SERINC3: variants seen among roughly 807,000 people sequenced by gnomAD.
SERINC3 encodes the protein serine incorporator 3.
Under a neutral mutation model 52.1 loss-of-function variants are expected in SERINC3, and 22 were observed. That is an observed-to-expected ratio of 0.42 (90% CI 0.30 to 0.60). The LOEUF (loss-of-function observed/expected upper bound fraction) is 0.60. Ranked by LOEUF, SERINC3 falls within the 20% of genes least tolerant of loss-of-function variation. SERINC3 has a pLI of 0.16. For missense variants in SERINC3, 564 were observed against 584.6 expected, an observed-to-expected ratio of 0.96 and a Z score of 0.36; for synonymous variants, 226 against 212.7, an observed-to-expected ratio of 1.06 and a Z score of -0.54.
intron 5 of SERINC3, among the ~76,000 whole-genome samples, chr20:44,509,589 CATG>C (rs1243324749): frequency 6.6e-6 from 1 of 152,054 alleles, no homozygotes; most frequent in African/African-American, 2.4e-5. Context: ...AGTACAGTGG[CATG>C]ATGATAGCTT....
At chr20:44,506,677 T>C (rs567508691) in intron 6 of SERINC3, 150 bp downstream of exon 6, 5 of 390,524 alleles carry the variant, frequency 1.3e-5, no homozygotes, top group East Asian at 1.2e-4. Context: ...AATTATGATA[T>C]AGGCATGAAA....
intron 5 of SERINC3, 93 bp from the exon 6 acceptor site, chr20:44,507,089 CATT>C (rs1388705361): frequency 1.1e-6 from 1 of 908,820 alleles, no homozygotes; most frequent in African/African-American, 1.7e-5. Context: ...AATGAGGAGA[CATT>C]ATGTCACTTT....
chr20:44,503,089 C>T (rs2064290003), intron 8 of SERINC3, among the ~76,000 whole-genome samples: 1 of 151,956 alleles, frequency 6.6e-6, no homozygotes, highest in African/African-American at 2.4e-5. Flanking sequence ...AATTAAAGAC[C>T]TAAATAAATG....
rs1398295303 is a variant in SERINC3 at position 44,521,965 on chromosome 20, A to C, written c.-14T>G. 17 of 1,608,806 alleles carry C rather than the reference A, an allele frequency of 1.1e-5. No homozygotes were observed. On this transcript the variant is annotated 5_prime_UTR_variant, in exon 1 of 10. Coordinates refer to ENST00000342374, the MANE Select transcript of SERINC3 (RefSeq NM_006811.4). ...CACAGCCCCCATGGTGACGCCAGTGATGGAGGTGGCCGGTCCTGAGGCTGC... is the reference window on the plus strand; with the variant it reads ...CACAGCCCCCATGGTGACGCCAGTGCTGGAGGTGGCCGGTCCTGAGGCTGC...
intron 7 of SERINC3, among the ~76,000 whole-genome samples, chr20:44,504,379 T>C (rs1205762191): frequency 1.3e-5 from 2 of 152,196 alleles, no homozygotes; most frequent in Non-Finnish European, 2.9e-5. Flanking sequence ...TCTGCATTGT[T>C]TTCCTTTAAA....
At position 44,510,024 on chromosome 20, in the gene SERINC3, C is replaced by A. The variant is rs760953252; in HGVS notation, c.480G>T (p.Trp160Cys). ...YIPGGYFSSV[W>C]FVVGMIGAAL... ...CGGCCCCTATCATGCCAACAACAAA[C>A]CAGACTACAAGAACCAAGAGAACAA... The change falls in exon 5 of 10, where the codon TGG (tryptophan) becomes TGT (cysteine). Residue 160 changes from tryptophan (W) to cysteine (C), a missense_variant. Coordinates refer to ENST00000342374, the MANE Select transcript of SERINC3 (RefSeq NM_006811.4). 4.3e-6 allele frequency: 7 copies of A among 1,613,980 alleles called. 1 individual carries two copies. The Admixed American group carries it at 1.0e-4, about 23-fold the overall frequency.
intron 1 of SERINC3, among the ~76,000 whole-genome samples, chr20:44,516,313 G>A (rs2123068697): frequency 6.6e-6 from 1 of 152,178 alleles, no homozygotes; most frequent in Admixed American, 6.5e-5. Context: ...AAAAAAAAGA[G>A]TAACCTAGAT....
chr20:44,512,728 T>C (rs1297023290), intron 3 of SERINC3, 73 bp downstream of exon 3: 1 of 1,160,496 alleles, frequency 8.6e-7, no homozygotes. Flanking sequence ...TTCATCAGAA[T>C]GGCTATATTA....
rs771572222 is a variant in SERINC3, at chr20:44,521,897, G to A, written c.39+16C>T. On this transcript the variant is annotated intron_variant, in intron 1 of 9. Transcript: ENST00000342374. Reference sequence around the variant, plus strand: ...CAAACCGCAGGTCCGGCGAGGACTCGGGACCCCGAACTCACCCAGCTGGCG... The same window carrying A: ...CAAACCGCAGGTCCGGCGAGGACTCAGGACCCCGAACTCACCCAGCTGGCG... 5 of 1,605,530 alleles carry A rather than the reference G, an allele frequency of 3.1e-6. No individual in the cohort carries two copies. The South Asian group carries it at 4.5e-5, about 14-fold the overall frequency.
chr20:44,519,736 T>C (rs1298832803), intron 1 of SERINC3, among the ~76,000 whole-genome samples: 2 of 151,458 alleles, frequency 1.3e-5, no homozygotes, highest in African/African-American at 4.9e-5. Context: ...CAGTGAGCTA[T>C]GACTGAGCCA....
intron 3 of SERINC3, among the ~76,000 whole-genome samples, chr20:44,511,858 C>T (rs1337088246): frequency 6.6e-6 from 1 of 152,216 alleles, no homozygotes; most frequent in African/African-American, 2.4e-5. Flanking sequence ...AAGAACCAGG[C>T]TTTGGAGCTG....
intron 8 of SERINC3, among the ~76,000 whole-genome samples, chr20:44,502,521 T>C (rs2064286138): frequency 6.7e-6 from 1 of 149,852 alleles, no homozygotes; most frequent in Non-Finnish European, 1.5e-5. Flanking sequence ...AGCTTGAGGC[T>C]GTAGTGAGCT....
chr20:44,516,645 G>T (rs945081478), intron 1 of SERINC3, among the ~76,000 whole-genome samples: 14 of 152,084 alleles, frequency 9.2e-5, no homozygotes, highest in Non-Finnish European at 1.8e-4. Flanking sequence ...GCCCGCCTCC[G>T]CCTCCCAAAG....
At chr20:44,512,104 C>T (rs758793718) in intron 3 of SERINC3, among the ~76,000 whole-genome samples, 2 of 151,988 alleles carry the variant, frequency 1.3e-5, no homozygotes, top group Non-Finnish European at 2.9e-5. Context: ...CCTGAGGTCA[C>T]GAGTTCTAGA....
In SERINC3 at chr20:44,501,433, C is replaced by T. The variant is rs1047914697; in HGVS notation, c.1056-133G>A. 1.0e-5 allele frequency: 7 copies of T among 694,936 alleles called. No homozygotes were observed. The Admixed American group carries it at 1.7e-4, about 17-fold the overall frequency. 43.0% of individuals were successfully genotyped at this position (694,936 alleles called of 1,614,324 possible). ...GACTGAAAGCTTTCTGAAGATCCTG[C>T]TTAAAGTTCTGAACTGCTGCCTGTC... On this transcript the variant is annotated intron_variant, in intron 8 of 9. Coordinates refer to ENST00000342374, the MANE Select transcript of SERINC3 (RefSeq NM_006811.4).
chr20:44,509,819 T>C (rs2064336050), intron 5 of SERINC3, 72 bp downstream of exon 5: 6 of 1,514,002 alleles, frequency 4.0e-6, no homozygotes, highest in Non-Finnish European at 5.5e-6. Flanking sequence ...GCTGGGACTA[T>C]AATGATGATT....
At chr20:44,500,976 G>T in intron 9 of SERINC3, 97 bp downstream of exon 9, 2 of 828,876 alleles carry the variant, frequency 2.4e-6, no homozygotes, top group Non-Finnish European at 4.0e-6. Flanking sequence ...CATTATATGG[G>T]TAAGAGCAAG....
intron 8 of SERINC3, among the ~76,000 whole-genome samples, chr20:44,502,417 C>G (rs1391237467): frequency 1.3e-5 from 2 of 150,978 alleles, no homozygotes; most frequent in African/African-American, 4.9e-5. Flanking sequence ...CAAGACTGTT[C>G]CTAAAAAGAT....
chr20:44,519,482 A>T (rs764828672), intron 1 of SERINC3: 26 of 547,580 alleles, frequency 4.7e-5, no homozygotes, highest in Non-Finnish European at 6.0e-5. Context: ...TTGTCTCTAT[A>T]TGGGTGCATC....
Sources: allele counts gnomAD v4.1 joint callset (sites outside exome capture counted in the v4.1 genomes callset), GRCh38; gene constraint gnomAD v4.1.1; transcripts MANE v1.5; gene names NCBI Gene and HGNC (gene_info 2026-07-23, HGNC 2026-07-21).